The following MINK1 variants were observed in gnomAD, a reference collection of about 807,000 sequenced individuals.
MINK1 encodes the protein misshapen-like kinase 1.
MINK1 carries 46 observed loss-of-function variants against 178.4 expected under a neutral mutation model. The ratio of observed to expected loss-of-function variants is 0.26; its 90% CI spans 0.20 to 0.33. The LOEUF is 0.33. MINK1 is among the 10% of genes least tolerant of loss of function. The pLI is 1.00. For missense variants in MINK1, 1,366 were observed against 1,814.9 expected (o/e 0.75, Z 4.49); for synonymous variants, 797 against 709.7 (o/e 1.12, Z -1.96).
rs971957542 is a variant in MINK1 at position 4,896,948 on chromosome 17, C to T, written c.3915+135C>T. On this transcript the variant is annotated intron_variant, in intron 31 of 31. Coordinates refer to ENST00000355280, the MANE Select transcript of MINK1 (RefSeq NM_153827.5). This position sits in a 1 kb window ranked among gnomAD's most constrained non-coding sequence, Gnocchi z 4.6. Reference sequence around the variant, plus strand: ...CCCCTCTGGGAGCTCAGAGGGCAGTCAGCCACTACCACTGCCCTGCGCTCC... The same window carrying T: ...CCCCTCTGGGAGCTCAGAGGGCAGTTAGCCACTACCACTGCCCTGCGCTCC... 2 of 1,195,296 alleles carry T rather than the reference C, an allele frequency of 1.7e-6. No homozygotes were observed. Among genetic ancestry groups the T allele is most frequent in the African/African-American group, 1.5e-5 (1 of 64,580 alleles). The allele number at this position is 1,195,296 out of a possible 1,614,324, so 74.0% of individuals were successfully genotyped here.
At position 4,884,428 on chromosome 17, in the gene MINK1, C is replaced by G; in HGVS notation, c.372C>G (p.Ala124=). The G allele has an allele frequency of 1.9e-6, 3 of 1,613,898 alleles. No individual in the cohort carries two copies. The highest frequency in any genetic ancestry group is 2.5e-6 in the Non-Finnish European group (3 of 1,179,862). ...TGGTAAAGAACACAAAAGGCAACGC[C>G]CTGAAGGAGGACTGTATCGCCTATA... ...TDLVKNTKGN[A]LKEDCIAYIC... Residue 124 remains alanine, a synonymous_variant, in exon 5 of 32, where the codon GCC becomes GCG. Transcript: ENST00000355280.
In MINK1 at chr17:4,887,666, T is replaced by C; in HGVS notation, c.1106T>C (p.Leu369Ser). The C allele has an allele frequency of 3.8e-6, 6 of 1,567,468 alleles. No homozygotes were observed. Among genetic ancestry groups the C allele is most frequent in the Non-Finnish European group, 5.2e-6 (6 of 1,157,590 alleles). ...QQENKSNSEA[L>S]KQQQQLQQQQ... ...GAAAATAAGAGCAACTCAGAGGCTT[T>C]AAAACAGCAGCAGCAGCTGCAGCAG... Residue 369 changes from leucine to serine, a missense_variant, in exon 12 of 32, where the codon TTA becomes TCA. Leu to Ser is a moderately radical substitution (Grantham distance 145, BLOSUM62 -2). Coordinates refer to ENST00000355280, the MANE Select transcript of MINK1 (RefSeq NM_153827.5). The surrounding 1 kb of genome is among the most constrained non-coding windows in gnomAD (Gnocchi z 7.6).
chr17:4,835,585 C>T (rs1413141431), intron 1 of MINK1, among the ~76,000 whole-genome samples: 1 of 152,180 alleles, frequency 6.6e-6, no homozygotes, highest in African/African-American at 2.4e-5. Context: ...CAAGATTGCA[C>T]CACTGCACTC....
In MINK1 at chr17:4,891,508, G is replaced by T; in HGVS notation, c.1793G>T (p.Arg598Leu). 1 of 1,611,146 alleles carries T rather than the reference G, an allele frequency of 6.2e-7. No homozygotes were observed. Among genetic ancestry groups the T allele is most frequent in the Non-Finnish European group, 8.5e-7 (1 of 1,178,430 alleles). The change falls in exon 16 of 32, where the codon CGA (arginine) becomes CTA (leucine). Residue 598 changes from arginine to leucine, a missense_variant. Physicochemically the swap from Arg to Leu is moderately radical, Grantham distance 102. Transcript: ENST00000355280. The part of the protein sequence containing the change: ...PLKPYAAPVP[R>L]SQSLQDQPTR... ...AAGCCATATGCAGCACCTGTACCCCGATCCCAGTCCCTGCAGGACCAGCCC... is the reference window on the plus strand; with the variant it reads ...AAGCCATATGCAGCACCTGTACCCCTATCCCAGTCCCTGCAGGACCAGCCC...
rs746471911 is a variant in MINK1 at position 4,890,507 on chromosome 17, T to C, written c.1348-10T>C. 3.8e-6 allele frequency: 6 copies of C among 1,581,248 alleles called. No individual in the cohort carries two copies. The highest frequency in any genetic ancestry group is 5.2e-6 in the Non-Finnish European group (6 of 1,164,400). On this transcript the variant is annotated splice_polypyrimidine_tract_variant and intron_variant, in intron 13 of 31. Transcript: ENST00000355280. ...CCTGCTGAGCCCTCTCTCCCTACCC[T>C]TGGGCCCAGGAATACAAGCGGAAGC... is the stretch of plus-strand genomic sequence containing the variant.
intron 1 of MINK1, among the ~76,000 whole-genome samples, chr17:4,866,552 G>C (rs1914995089): frequency 6.6e-6 from 1 of 151,026 alleles, no homozygotes; most frequent in Non-Finnish European, 1.5e-5. Context: ...CCTGTTGGCA[G>C]CAGAGCCAAG....
chr17:4,875,312 C>T (rs979303763), intron 1 of MINK1, among the ~76,000 whole-genome samples: 21 of 152,082 alleles, frequency 1.4e-4, no homozygotes, highest in East Asian at 1.2e-3. Context: ...GATTTACACC[C>T]GTTAAATATT....
At position 4,885,892 on chromosome 17, in the gene MINK1, C is replaced by T. The variant is rs1968154380; in HGVS notation, c.640-19C>T. 5 of 1,612,912 alleles carry T rather than the reference C, an allele frequency of 3.1e-6. No homozygotes were observed. Among genetic ancestry groups the T allele is most frequent in the East Asian group, 2.2e-5 (1 of 44,890 alleles). On this transcript the variant is annotated intron_variant, in intron 7 of 31. Transcript: ENST00000355280. The surrounding 1 kb of genome is among the most constrained non-coding windows in gnomAD (Gnocchi z 5.0). ...GAGTTGTCAGGAATATTCACTTGTTCCTTCTTTCCCGTCTATAGAGTGATA... is the reference window on the plus strand; with the variant it reads ...GAGTTGTCAGGAATATTCACTTGTTTCTTCTTTCCCGTCTATAGAGTGATA...
At position 4,884,998 on chromosome 17, in the gene MINK1, G is replaced by A. The variant is rs1472596099; in HGVS notation, c.504G>A (p.Lys168=). The A allele has an allele frequency of 4.3e-6, 7 of 1,613,900 alleles. No homozygotes were observed. The East Asian group carries it at 1.3e-4, about 31-fold the overall frequency. The change falls in exon 6 of 32, where the codon AAG becomes AAA. Residue 168 remains lysine, a synonymous_variant. Coordinates refer to ENST00000355280, the MANE Select transcript of MINK1 (RefSeq NM_153827.5). The stretch of plus-strand genomic sequence containing the variant: ...TGCTGACAGAGAATGCTGAGGTCAA[G>A]CTAGGTGCGCCGGCTCCTTCTGAGG... The part of the protein sequence containing the change: ...NVLLTENAEV[K]LVDFGVSAQL...
At chr17:4,881,484 A>G (rs1185955285) in intron 4 of MINK1, among the ~76,000 whole-genome samples, 1 of 152,116 alleles carries the variant, frequency 6.6e-6, no homozygotes, top group Non-Finnish European at 1.5e-5. Context: ...TTTTGTGGGG[A>G]GGGGTCCTGG....
chr17:4,892,538 T>A (rs1328158857), intron 18 of MINK1, 26 bp downstream of exon 18: 1 of 1,537,554 alleles, frequency 6.5e-7, no homozygotes, highest in Non-Finnish European at 8.9e-7. Flanking sequence ...CCCAACTCAC[T>A]CTCACCTCTC....
chr17:4,873,476 C>T (rs1966889386), intron 1 of MINK1, among the ~76,000 whole-genome samples: 1 of 113,646 alleles, frequency 8.8e-6, no homozygotes, highest in Admixed American at 9.5e-5. Flanking sequence ...CCCAATTCAA[C>T]ATTCAAACCC....
Position 4,833,404 on chromosome 17 carries a change from A to G in MINK1, c.-180A>G, listed in dbSNP as rs1192035683. ...GGCTCGGGTGGCTGGCTCCGGGGAG[A>G]TAGCGCCTGTCAGTCGGTGGGTCGG... On this transcript the variant is annotated 5_prime_UTR_variant, in exon 1 of 32. Coordinates refer to ENST00000355280, the MANE Select transcript of MINK1 (RefSeq NM_153827.5). The surrounding 1 kb of genome is among the most constrained non-coding windows in gnomAD (Gnocchi z 4.8). 1 of 530,070 alleles carries G rather than the reference A, an allele frequency of 1.9e-6. No homozygotes were observed. The highest frequency in any genetic ancestry group is 3.3e-6 in the Non-Finnish European group (1 of 303,720). The allele number at this position is 530,070 out of a possible 1,614,324, so 32.8% of individuals were successfully genotyped here. A position where few individuals can be genotyped will look rare whatever the true frequency, so the allele number is the denominator to read the frequency against.
intron 1 of MINK1, among the ~76,000 whole-genome samples, chr17:4,870,710 A>T (rs1406906254): frequency 3.3e-5 from 5 of 152,068 alleles, no homozygotes; most frequent in Admixed American, 1.3e-4. Flanking sequence ...CTGTAGTCCC[A>T]GCTACTTGGG....
At chr17:4,869,575 C>T (rs1915586351) in intron 1 of MINK1, among the ~76,000 whole-genome samples, 1 of 151,892 alleles carries the variant, frequency 6.6e-6, no homozygotes, top group Non-Finnish European at 1.5e-5. Flanking sequence ...CTGTACCTGA[C>T]GATTTTTTCT....
chr17:4,889,607 G>A, intron 12 of MINK1, 40 bp from the exon 13 acceptor site: 1 of 1,517,652 alleles, frequency 6.6e-7, no homozygotes, highest in South Asian at 1.2e-5. Flanking sequence ...CTGACGCGAT[G>A]TCCGGTATGG....
chr17:4,836,835 T>C lies in MINK1; in HGVS notation c.57+3195T>C, dbSNP rs1433826867. Among the ~76,000 whole-genome samples the C allele has an allele frequency of 2.6e-5, 4 of 152,106 alleles. No homozygotes were observed. Among genetic ancestry groups the C allele is most frequent in the African/African-American group, 7.2e-5 (3 of 41,418 alleles). ...CCTTAGTCTGCTTTATCCTTCCTCA[T>C]AGTATTTATCACCAGCTGACATATA... is the stretch of plus-strand genomic sequence containing the variant. On this transcript the variant is annotated intron_variant, in intron 1 of 31. Coordinates refer to ENST00000355280, the MANE Select transcript of MINK1 (RefSeq NM_153827.5). This position sits in a 1 kb window ranked among gnomAD's most constrained non-coding sequence, Gnocchi z 4.3.
intron 1 of MINK1, among the ~76,000 whole-genome samples, chr17:4,856,424 G>T (rs917167457): frequency 6.6e-6 from 1 of 151,690 alleles, no homozygotes; most frequent in Non-Finnish European, 1.5e-5. Flanking sequence ...TCTCTCTTAC[G>T]TACTCACACT....
chr17:4,883,315 C>G (rs997736467), intron 4 of MINK1: 18 of 151,328 alleles, frequency 1.2e-4, no homozygotes, highest in African/African-American at 4.1e-4. Context: ...AGCGATTCTC[C>G]TGTGTCAGCA....
Sources: gnomAD v4.1 joint callset for allele counts (sites outside exome capture counted in the v4.1 genomes callset) on GRCh38, gnomAD v4.1.1 for gene constraint, Gnocchi (gnomAD v3.1) non-coding constraint, MANE v1.5 for transcripts, NCBI Gene and HGNC (gene_info 2026-07-23, HGNC 2026-07-21) for gene names.